GPAT4: variants seen among roughly 807,000 people sequenced by gnomAD.
GPAT4 encodes 1-AGP acyltransferase 6.
In GPAT4, 17 loss-of-function variants were observed where a neutral mutation model predicts 58.0. The observed-to-expected ratio is 0.29, with a 90% CI of 0.20 to 0.44. The LOEUF (loss-of-function observed/expected upper bound fraction) is 0.44. Among genes scored for constraint, GPAT4 ranks in the 20% least tolerant of loss-of-function variants. GPAT4 has a pLI of 1.00. For synonymous variants in GPAT4, 204 were observed against 210.1 expected (o/e 0.97, Z 0.25); for missense variants, 377 against 574.5 (o/e 0.66, Z 3.51).
chr8:41,604,774 C>T (rs907303830), intron 2 of GPAT4, among the ~76,000 whole-genome samples: 3 of 152,164 alleles, frequency 2.0e-5, no homozygotes, highest in Non-Finnish European at 2.9e-5. Context: ...TGTGGAGAAG[C>T]TGAAGAGACT....
chr8:41,610,695 A>G, intron 4 of GPAT4, 41 bp from the exon 5 acceptor site: 2 of 1,595,354 alleles, frequency 1.3e-6, no homozygotes, highest in Non-Finnish European at 1.7e-6. Flanking sequence ...ACTTGGTAGA[A>G]TGATTTGCTG....
rs1333490126 is a variant in GPAT4 at position 41,598,489 on chromosome 8, T to G, written c.-651T>G. 6.6e-6 allele frequency: 1 copy of G among 152,244 alleles called. No individual in the cohort carries two copies. The highest frequency in any genetic ancestry group is 1.5e-5 in the Non-Finnish European group (1 of 68,070). The allele number at this position is 152,244 out of a possible 1,614,324, so 9.4% of individuals were successfully genotyped here. A position where few individuals can be genotyped will look rare whatever the true frequency, so the allele number is the denominator to read the frequency against. On this transcript the variant is annotated 5_prime_UTR_variant, in exon 2 of 13. Transcript: ENST00000396987. ...TGTAGCTCTCCAGGTAGGAGGATCC[T>G]GGAAGCTGTGAGCACCAGGAGCCTT... is the stretch of plus-strand genomic sequence containing the variant.
intron 1 of GPAT4, among the ~76,000 whole-genome samples, chr8:41,588,870 T>A (rs979581112): frequency 1.3e-5 from 2 of 152,206 alleles, no homozygotes; most frequent in African/African-American, 4.8e-5. Flanking sequence ...GACTCAGAAC[T>A]AGCTGATTCT....
At chr8:41,606,388 T>TG (rs536840527) in intron 2 of GPAT4, among the ~76,000 whole-genome samples, 5 of 151,964 alleles carry the variant, frequency 3.3e-5, no homozygotes, top group African/African-American at 4.8e-5. Context: ...GGTTTGGGTT[T>TG]GGGGGGGCAT....
At chr8:41,609,382 C>T (rs756256314) in intron 2 of GPAT4, 34 bp from the exon 3 acceptor site, 1 of 1,600,614 alleles carries the variant, frequency 6.2e-7, no homozygotes, top group African/African-American at 1.3e-5. Flanking sequence ...AGGTCTCATT[C>T]TTGCTCTTGT....
chr8:41,614,964 A>G lies in GPAT4; in HGVS notation c.969A>G (p.Gly323=), dbSNP rs976898417. 9.9e-6 allele frequency: 16 copies of G among 1,613,710 alleles called. No individual in the cohort carries two copies. The highest frequency in any genetic ancestry group is 3.3e-5 in the South Asian group (3 of 91,056). The change falls in exon 10 of 13, where the codon GGA becomes GGG. Residue 323 remains glycine, a splice_region_variant and synonymous_variant. Transcript: ENST00000396987. ...ATTTTATTGTCTCCTGCATTTTAGGAACCTGCATCAATAATACATCGGTGA... is the reference window on the plus strand; with the variant it reads ...ATTTTATTGTCTCCTGCATTTTAGGGACCTGCATCAATAATACATCGGTGA... ...SKLPILIFPE[G]TCINNTSVMM... is the part of the protein sequence containing the mutation.
intron 1 of GPAT4, among the ~76,000 whole-genome samples, chr8:41,591,141 C>T (rs1298292043): frequency 2.6e-5 from 4 of 151,850 alleles, no homozygotes; most frequent in Admixed American, 6.6e-5. Context: ...GCAGGGGGTA[C>T]GTGACTGGGG....
intron 1 of GPAT4, among the ~76,000 whole-genome samples, chr8:41,579,178 C>A (rs1372601333): frequency 6.6e-6 from 1 of 152,214 alleles, no homozygotes; most frequent in Non-Finnish European, 1.5e-5. Context: ...ATACTTCTCT[C>A]TTTGAAAGAG....
intron 7 of GPAT4, 37 bp from the exon 8 acceptor site, chr8:41,612,808 T>A (rs1458284858): frequency 6.4e-7 from 1 of 1,560,966 alleles, no homozygotes; most frequent in Middle Eastern, 1.7e-4. Context: ...CGTGTGAAGA[T>A]GGCTTCACTA....
chr8:41,583,136 G>T (rs960729099), intron 1 of GPAT4, among the ~76,000 whole-genome samples: 2 of 152,006 alleles, frequency 1.3e-5, no homozygotes, highest in Non-Finnish European at 2.9e-5. Context: ...TGAGGCACGA[G>T]AATTGCTTGA....
intron 5 of GPAT4, among the ~76,000 whole-genome samples, chr8:41,611,626 G>A (rs913481313): frequency 1.3e-5 from 2 of 152,192 alleles, no homozygotes; most frequent in Admixed American, 6.5e-5. Flanking sequence ...CTGGGGGAAC[G>A]GAGTTCAGCC....
intron 1 of GPAT4, among the ~76,000 whole-genome samples, chr8:41,585,135 G>A (rs148809073): frequency 1.8e-4 from 27 of 152,286 alleles, no homozygotes; most frequent in African/African-American, 4.8e-4. Flanking sequence ...TACCAGTCCC[G>A]ATACACTCGA....
intron 2 of GPAT4, among the ~76,000 whole-genome samples, chr8:41,601,597 ATGGAAG>A (rs1187040457): frequency 1.3e-5 from 2 of 152,196 alleles, no homozygotes; most frequent in Non-Finnish European, 2.9e-5. Flanking sequence ...TCATGGACCT[ATGGAAG>A]TTGTAATTAT....
At position 41,621,173 on chromosome 8, in the gene GPAT4, G is replaced by T. The variant is rs368875607; in HGVS notation, c.*172G>T. The T allele has an allele frequency of 7.5e-6, 7 of 928,698 alleles. No individual in the cohort carries two copies. Among genetic ancestry groups the T allele is most frequent in the Non-Finnish European group, 9.5e-6 (6 of 633,556 alleles). 57.5% of individuals were successfully genotyped at this position (928,698 alleles called of 1,614,324 possible). A position where few individuals can be genotyped will look rare whatever the true frequency, so the allele number is the denominator to read the frequency against. On this transcript the variant is annotated 3_prime_UTR_variant, in exon 13 of 13. Coordinates refer to ENST00000396987, the MANE Select transcript of GPAT4 (RefSeq NM_178819.4). ...GCCGCAGCGGGATCCCTGTGCACCCGGCGCAGCCTACCCTTGGTGGTCTAA... is the reference window on the plus strand; with the variant it reads ...GCCGCAGCGGGATCCCTGTGCACCCTGCGCAGCCTACCCTTGGTGGTCTAA...
Position 41,599,202 on chromosome 8 carries a change from C to G in GPAT4, c.63C>G (p.Val21=). ...IVNLLGISLT[V]LFTLLLVFII... ...ACCTTCTGGGCATCTCCCTGACTGT[C>G]CTCTTCACCCTCCTTCTCGTTTTCA... Residue 21 remains valine, a synonymous_variant, in exon 2 of 13, where the codon GTC becomes GTG. Coordinates refer to ENST00000396987, the MANE Select transcript of GPAT4 (RefSeq NM_178819.4). 1.2e-6 allele frequency: 2 copies of G among 1,614,064 alleles called. No individual in the cohort carries two copies. The highest frequency in any genetic ancestry group is 1.7e-6 in the Non-Finnish European group (2 of 1,180,002).
rs549370432 is a variant in GPAT4, at chr8:41,615,735, G to C, written c.1053+687G>C. On this transcript the variant is annotated intron_variant, in intron 10 of 12. Transcript: ENST00000396987. ...ACAAAACACAGGCCATCCTCAGTGT[G>C]GTTAAAGTATTTAGGCTGCAGCCTG... Among the ~76,000 whole-genome samples, 38 of 152,306 alleles carry C rather than the reference G, an allele frequency of 2.5e-4. 1 individual carries two copies. The South Asian group carries it at 7.7e-3, about 31-fold the overall frequency.
chr8:41,616,024 C>T (rs1246531813), intron 10 of GPAT4, among the ~76,000 whole-genome samples: 1 of 152,202 alleles, frequency 6.6e-6, no homozygotes, highest in Non-Finnish European at 1.5e-5. Flanking sequence ...TAGGACTCAC[C>T]AGAGCCTGAG....
chr8:41,621,021 G>A lies in GPAT4; in HGVS notation c.*20G>A. 1 of 1,550,438 alleles carries A rather than the reference G, an allele frequency of 6.4e-7. No individual in the cohort carries two copies. The highest frequency in any genetic ancestry group is 2.0e-4 in the Middle Eastern group (1 of 5,060). Reference sequence around the variant, plus strand: ...TCCTGAGCCTGCCTCCAGCTGGCTGGGGCCACCGTGCGGGGTGCCAACGGG... The same window carrying A: ...TCCTGAGCCTGCCTCCAGCTGGCTGAGGCCACCGTGCGGGGTGCCAACGGG... On this transcript the variant is annotated 3_prime_UTR_variant, in exon 13 of 13. Coordinates refer to ENST00000396987, the MANE Select transcript of GPAT4 (RefSeq NM_178819.4).
intron 2 of GPAT4, among the ~76,000 whole-genome samples, chr8:41,607,601 C>A (rs558909691): frequency 1.3e-5 from 2 of 150,040 alleles, no homozygotes; most frequent in South Asian, 4.2e-4. Flanking sequence ...TGCAGTGGTG[C>A]AATCTCCGCT....
Sources: allele counts gnomAD v4.1 joint callset (sites outside exome capture counted in the v4.1 genomes callset), GRCh38; gene constraint gnomAD v4.1.1; transcripts MANE v1.5; gene names NCBI Gene and HGNC (gene_info 2026-07-23, HGNC 2026-07-21).